Variants in ZNF254 observed in about 807,000 individuals in gnomAD.
The protein encoded by ZNF254 is CTD-2017D11.1.
ZNF254 carries 10 observed loss-of-function variants against 12.4 expected under a neutral mutation model. The observed-to-expected ratio is 0.80, with a 90% CI of 0.50 to 1.36. ZNF254 has a LOEUF of 1.36. ZNF254 is among the 40% of genes most tolerant of loss of function. ZNF254 has a pLI of 0.00. For synonymous variants in ZNF254, 305 were observed against 253.4 expected, an observed-to-expected ratio of 1.20 and a Z score of -1.93; for missense variants, 996 against 763.9, an observed-to-expected ratio of 1.30 and a Z score of -3.58.
At chr19:24,111,123 C>G (rs1475719145) in intron 3 of ZNF254, among the ~76,000 whole-genome samples, 1 of 126,146 alleles carries the variant, frequency 7.9e-6, no homozygotes, top group African/African-American at 3.0e-5. Flanking sequence ...CCACAACAGT[C>G]CACAGAGTGT....
Position 24,127,923 on chromosome 19 carries a change from G to T in ZNF254, c.1923G>T (p.Arg641=), listed in dbSNP as rs370672493. The T allele has an allele frequency of 4.3e-5, 69 of 1,606,482 alleles. No individual in the cohort carries two copies. Among genetic ancestry groups the T allele is most frequent in the Non-Finnish European group, 3.3e-5 (39 of 1,176,886 alleles). The part of the protein sequence containing the change: ...KWEKFGKAFN[R]SSHLTTDKIT... ...AAAAATTTGGCAAAGCCTTTAATCG[G>T]TCCTCGCACCTCACCACAGATAAGA... Residue 641 remains arginine, a synonymous_variant, in exon 4 of 4, where the codon CGG becomes CGT. Coordinates refer to ENST00000357002, the MANE Select transcript of ZNF254 (RefSeq NM_203282.4).
intron 2 of ZNF254, chr19:24,049,530 C>T (rs1970566569): frequency 1.3e-5 from 2 of 152,100 alleles, no homozygotes; most frequent in Non-Finnish European, 2.9e-5. Flanking sequence ...TGTGACATAT[C>T]GTTGGACCCA....
intron 3 of ZNF254, among the ~76,000 whole-genome samples, chr19:24,109,696 C>A (rs1394442176): frequency 6.8e-6 from 1 of 146,814 alleles, no homozygotes; most frequent in East Asian, 2.0e-4. Context: ...TTTTCTTTTT[C>A]TTTTTTCTTT....
chr19:24,123,971 T>A (rs994854275), intron 3 of ZNF254, among the ~76,000 whole-genome samples: 1 of 151,956 alleles, frequency 6.6e-6, no homozygotes, highest in Non-Finnish European at 1.5e-5. Flanking sequence ...AAAGTTAATT[T>A]TATATATATT....
chr19:24,117,514 TCTG>T (rs1974172493), intron 3 of ZNF254, among the ~76,000 whole-genome samples: 1 of 152,168 alleles, frequency 6.6e-6, no homozygotes, highest in Non-Finnish European at 1.5e-5. Context: ...CAGGATATAA[TCTG>T]CTGTTGTGCG....
chr19:24,116,610 A>G (rs1403652787), intron 3 of ZNF254, among the ~76,000 whole-genome samples: 4 of 148,336 alleles, frequency 2.7e-5, no homozygotes, highest in Non-Finnish European at 5.9e-5. Context: ...AATTTTTTTC[A>G]AAGTTTTTAA....
At chr19:24,112,704 T>C (rs1248845069) in intron 3 of ZNF254, among the ~76,000 whole-genome samples, 1 of 152,154 alleles carries the variant, frequency 6.6e-6, no homozygotes. Context: ...TTTATTCTCT[T>C]TGAAGCAATT....
chr19:24,065,369 C>G (rs925570130), intron 2 of ZNF254: 13 of 152,200 alleles, frequency 8.5e-5, no homozygotes, highest in African/African-American at 3.1e-4. Flanking sequence ...TGATGTGACT[C>G]TCCTTGCTGG....
chr19:24,118,029 A>G (rs1974220889), intron 3 of ZNF254, among the ~76,000 whole-genome samples: 1 of 151,230 alleles, frequency 6.6e-6, no homozygotes. Context: ...TCCACCAACG[A>G]TGCACATGGG....
At position 24,128,167 on chromosome 19, in the gene ZNF254, A is replaced by G. The variant is rs1975030581; in HGVS notation, c.*187A>G. 1.7e-6 allele frequency: 1 copy of G among 590,148 alleles called. No individual in the cohort carries two copies. The highest frequency in any genetic ancestry group is 1.9e-5 in the African/African-American group (1 of 51,908). The allele number at this position is 590,148 out of a possible 1,614,324, so 36.6% of individuals were successfully genotyped here. A position where few individuals can be genotyped will look rare whatever the true frequency, so the allele number is the denominator to read the frequency against. ...GTGAAAAAGCCTTTAAATGATTGTC[A>G]CACTTGATTGTAGGTAAGATAATTC... On this transcript the variant is annotated 3_prime_UTR_variant, in exon 4 of 4. Transcript: ENST00000357002.
At chr19:24,109,270 A>T (rs1400628197) in intron 3 of ZNF254, among the ~76,000 whole-genome samples, 1 of 152,154 alleles carries the variant, frequency 6.6e-6, no homozygotes, top group African/African-American at 2.4e-5. Context: ...TTTACTCTGA[A>T]ATTTTATTGC....
rs542881731 is a variant in ZNF254, at chr19:24,121,105, A to G, written c.254-5149A>G. On this transcript the variant is annotated intron_variant, in intron 3 of 3. Transcript: ENST00000357002. ...AACTCCCTCAACTTTTATTTTGGAGATTTTTAGTTTTCATCCTATTTTTAA... is the reference window on the plus strand; with the variant it reads ...AACTCCCTCAACTTTTATTTTGGAGGTTTTTAGTTTTCATCCTATTTTTAA... 4.0e-5 allele frequency among the ~76,000 whole-genome samples: 6 copies of G among 151,042 alleles called. No homozygotes were observed. The South Asian group carries it at 1.0e-3, about 26-fold the overall frequency.
chr19:24,107,360 C>T (rs1973410218), intron 3 of ZNF254: 2 of 422,714 alleles, frequency 4.7e-6, no homozygotes, highest in South Asian at 7.0e-5. Context: ...TTATTAGTGT[C>T]CTCTCTAATT....
chr19:24,116,980 G>A (rs1974122355), intron 3 of ZNF254, among the ~76,000 whole-genome samples: 1 of 152,126 alleles, frequency 6.6e-6, no homozygotes, highest in African/African-American at 2.4e-5. Context: ...ATTTGCTTGG[G>A]TGTCAGCAGC....
At chr19:24,076,831 T>C (rs560023217) in intron 2 of ZNF254, among the ~76,000 whole-genome samples, 9 of 152,226 alleles carry the variant, frequency 5.9e-5, no homozygotes, top group African/African-American at 2.2e-4. Flanking sequence ...GAAAGAAAAA[T>C]AAATCTCCTG....
At chr19:24,039,919 A>C (rs1278758052) in intron 1 of ZNF254, among the ~76,000 whole-genome samples, 2 of 152,354 alleles carry the variant, frequency 1.3e-5, no homozygotes, top group East Asian at 3.9e-4. Flanking sequence ...CGTTTCTAAT[A>C]TAGTTTTTCT....
chr19:24,091,934 C>A lies in ZNF254; in HGVS notation c.30+4597C>A, dbSNP rs1476775326. 5 of 619,568 alleles carry A rather than the reference C, an allele frequency of 8.1e-6. No homozygotes were observed. The South Asian group carries it at 2.9e-4, about 36-fold the overall frequency. 38.4% of individuals were successfully genotyped at this position (619,568 alleles called of 1,614,324 possible). On this transcript the variant is annotated intron_variant, in intron 1 of 3. Transcript: ENST00000357002. The stretch of plus-strand genomic sequence containing the variant: ...TCGCTCTGTTGGCCAAGCTGGAGTG[C>A]AGAGGCGCAATCTCAGCTCACTGCA...
intron 1 of ZNF254, among the ~76,000 whole-genome samples, chr19:24,043,267 ATTT>A (rs5827564): frequency 6.7e-6 from 1 of 149,326 alleles, no homozygotes; most frequent in African/African-American, 2.5e-5. Context: ...CCAAAAAAAA[ATTT>A]TTTTTTTTTG....
chr19:24,113,838 C>T (rs941934635), intron 3 of ZNF254, among the ~76,000 whole-genome samples: 2 of 152,178 alleles, frequency 1.3e-5, no homozygotes, highest in African/African-American at 4.8e-5. Context: ...TCAGCAATGT[C>T]TCAGGATACA....
Sources: allele counts gnomAD v4.1 joint callset (sites outside exome capture counted in the v4.1 genomes callset), GRCh38; gene constraint gnomAD v4.1.1; transcripts MANE v1.5; gene names NCBI Gene and HGNC (gene_info 2026-07-23, HGNC 2026-07-21).